The following ZNF423 variants were observed in gnomAD, a reference collection of about 807,000 sequenced individuals.
ZNF423 encodes zinc finger protein 423.
A neutral mutation model predicts 95.8 loss-of-function variants in ZNF423; 12 were observed. The observed-to-expected ratio is 0.13, with a 90% confidence interval of 0.08 to 0.20. The LOEUF (loss-of-function observed/expected upper bound fraction) is 0.20, where lower values mean the gene tolerates loss of function less well. Ranked by LOEUF, ZNF423 falls within the 10% of genes least tolerant of loss-of-function variation. The pLI, the probability that ZNF423 is intolerant of heterozygous loss-of-function variation, is 1.00. For synonymous variants in ZNF423, 749 were observed against 711.9 expected (o/e 1.05, Z -0.83); for missense variants, 1,316 against 1,737.1 (o/e 0.76, Z 4.31).
chr16:49,742,966 A>G (rs13333612), intron 2 of ZNF423, among the ~76,000 whole-genome samples: 49,166 of 152,050 alleles, frequency 0.32, 8,041 homozygotes, highest in Non-Finnish European at 0.34. Flanking sequence ...ATCGCTGTGC[A>G]TTCCGGGCAA....
rs538092704 is a variant in ZNF423, at chr16:49,534,736, A to T, written c.3602-9242T>A. On this transcript the variant is annotated intron_variant, in intron 5 of 7. Transcript: ENST00000563137. ...TGTTTAAAGACCCTTAGCACCTGGG[A>T]CATTGTGTGTTCTCTCATGGCACGT... 2.8e-4 allele frequency among the ~76,000 whole-genome samples: 42 copies of T among 152,262 alleles called. No individual in the cohort carries two copies. In the East Asian group the frequency reaches 7.9e-3, roughly 29 times the overall value.
At chr16:49,758,562 T>G (rs1426868500) in intron 2 of ZNF423, among the ~76,000 whole-genome samples, 1 of 152,092 alleles carries the variant, frequency 6.6e-6, no homozygotes, top group East Asian at 1.9e-4. Flanking sequence ...AACCACATAG[T>G]AAGACCCCAT....
intron 1 of ZNF423, among the ~76,000 whole-genome samples, chr16:49,805,131 C>T (rs1037963666): frequency 6.6e-6 from 1 of 152,046 alleles, no homozygotes; most frequent in Non-Finnish European, 1.5e-5. Context: ...GAACTCCTGA[C>T]CTCAGGTGAT....
chr16:49,758,583 A>C (rs182128302), intron 2 of ZNF423, among the ~76,000 whole-genome samples: 326 of 152,284 alleles, frequency 2.1e-3, no homozygotes, highest in Non-Finnish European at 3.8e-3. Context: ...CTCTACAAAA[A>C]TTTTAAAAAA....
At chr16:49,768,185 C>A (rs148727769) in intron 2 of ZNF423, among the ~76,000 whole-genome samples, 24 of 152,322 alleles carry the variant, frequency 1.6e-4, no homozygotes, top group Non-Finnish European at 2.8e-4. Flanking sequence ...GTCTGCAGCT[C>A]CCAGACACCA....
chr16:49,491,385 C>T (rs1036735609), intron 7 of ZNF423, 81 bp from the exon 8 acceptor site: 9 of 1,550,412 alleles, frequency 5.8e-6, no homozygotes, highest in African/African-American at 5.4e-5. Flanking sequence ...TGCATTTACG[C>T]CGGGAGCCGC....
At chr16:49,826,519 T>C (rs570226322) in intron 1 of ZNF423, among the ~76,000 whole-genome samples, 4 of 152,200 alleles carry the variant, frequency 2.6e-5, no homozygotes, top group Non-Finnish European at 2.9e-5. Context: ...ACCTGTGTGA[T>C]TGGGGAAGGT....
intron 2 of ZNF423, among the ~76,000 whole-genome samples, chr16:49,754,023 C>G (rs1373830987): frequency 6.9e-6 from 1 of 145,006 alleles, no homozygotes; most frequent in Non-Finnish European, 1.5e-5. Flanking sequence ...AAGAGCAAGA[C>G]TCCGTCAAAA....
At chr16:49,559,517 T>C (rs545123635) in intron 5 of ZNF423, among the ~76,000 whole-genome samples, 1 of 152,300 alleles carries the variant, frequency 6.6e-6, no homozygotes, top group African/African-American at 2.4e-5. Flanking sequence ...GACCCAAACC[T>C]ATCTCAACAT....
In ZNF423 at chr16:49,635,466, C is replaced by T. The variant is rs1229139110; in HGVS notation, c.3516+194G>A. On this transcript the variant is annotated intron_variant, in intron 4 of 7. Transcript: ENST00000563137. This position sits in a 1 kb window ranked among gnomAD's most constrained non-coding sequence, Gnocchi z 4.8. ...CCCAGAGAGATAAATAACATGAGCC[C>T]ATCACATGGCTGGAAAGGCAATGGC... is the stretch of plus-strand genomic sequence containing the variant. Among the ~76,000 whole-genome samples, 1 of 152,234 alleles carries T rather than the reference C, an allele frequency of 6.6e-6. No individual in the cohort carries two copies. The highest frequency in any genetic ancestry group is 1.5e-5 in the Non-Finnish European group (1 of 68,040).
chr16:49,698,808 T>C (rs951707914), intron 3 of ZNF423, among the ~76,000 whole-genome samples: 1 of 152,210 alleles, frequency 6.6e-6, no homozygotes. Context: ...GCCGCCTGCA[T>C]CATTAAAACT....
intron 3 of ZNF423, among the ~76,000 whole-genome samples, chr16:49,672,715 C>G (rs1181526186): frequency 1.3e-5 from 2 of 152,172 alleles, no homozygotes; most frequent in Non-Finnish European, 2.9e-5. Context: ...ACTCGCGAGG[C>G]TGAGGCAGGA....
At chr16:49,816,063 C>T (rs1281153631) in intron 1 of ZNF423, among the ~76,000 whole-genome samples, 3 of 150,676 alleles carry the variant, frequency 2.0e-5, no homozygotes, top group Admixed American at 6.6e-5. Context: ...GAATTACAAG[C>T]GCCCGCCACT....
intron 5 of ZNF423, among the ~76,000 whole-genome samples, chr16:49,602,769 C>A (rs1971417819): frequency 6.6e-6 from 1 of 152,138 alleles, no homozygotes. Context: ...GAGTGTTCCT[C>A]CCAGGGAAGG....
chr16:49,812,655 G>A (rs2034772226), intron 1 of ZNF423, among the ~76,000 whole-genome samples: 1 of 152,176 alleles, frequency 6.6e-6, no homozygotes, highest in Admixed American at 6.5e-5. Flanking sequence ...ACTCCAGCCT[G>A]GGCAACAGCG....
At chr16:49,823,542 T>G (rs943724711) in intron 1 of ZNF423, among the ~76,000 whole-genome samples, 4 of 152,190 alleles carry the variant, frequency 2.6e-5, no homozygotes, top group African/African-American at 9.7e-5. Context: ...ATGCTGCCCT[T>G]GGAAGGAGAT....
At chr16:49,825,020 C>T (rs1298562994) in intron 1 of ZNF423, among the ~76,000 whole-genome samples, 2 of 152,220 alleles carry the variant, frequency 1.3e-5, no homozygotes, top group Non-Finnish European at 2.9e-5. Flanking sequence ...CTAGACAATA[C>T]ATTTAATGAA....
chr16:49,544,437 C>A (rs898909591), intron 5 of ZNF423, among the ~76,000 whole-genome samples: 1 of 152,116 alleles, frequency 6.6e-6, no homozygotes, highest in Admixed American at 6.5e-5. Flanking sequence ...GCTGGGTATG[C>A]ACATAAGCAT....
chr16:49,854,420 C>A (rs1277561119), intron 1 of ZNF423: 2 of 985,292 alleles, frequency 2.0e-6, no homozygotes, highest in Non-Finnish European at 2.4e-6. Context: ...TCCAGCCAGG[C>A]GCAAGGCTGG....
Sources: allele counts gnomAD v4.1 joint callset (sites outside exome capture counted in the v4.1 genomes callset), GRCh38; gene constraint gnomAD v4.1.1; non-coding constraint Gnocchi (gnomAD v3.1); transcripts MANE v1.5; gene names NCBI Gene and HGNC (gene_info 2026-07-23, HGNC 2026-07-21).